Variants in NEK7 observed in about 807,000 individuals in gnomAD.
The protein encoded by NEK7 is serine/threonine-protein kinase Nek7.
In NEK7, 18 loss-of-function variants were observed where a neutral mutation model predicts 44.6. The ratio of observed to expected loss-of-function variants is 0.40; its 90% CI spans 0.28 to 0.60. The LOEUF (loss-of-function observed/expected upper bound fraction) is 0.60, where lower values mean the gene tolerates loss of function less well. Ranked by LOEUF, NEK7 falls within the 20% of genes least tolerant of loss-of-function variation. NEK7 has a pLI of 0.38. For synonymous variants in NEK7, 130 were observed against 121.1 expected (o/e 1.07, Z -0.48); for missense variants, 256 against 366.5 (o/e 0.70, Z 2.46).
chr1:198,311,856 A>G (rs1239556017), intron 9 of NEK7, among the ~76,000 whole-genome samples: 1 of 151,968 alleles, frequency 6.6e-6, no homozygotes, highest in African/African-American at 2.4e-5. Context: ...TTTATTGAGG[A>G]TTTTTGCATC....
At chr1:198,231,426 G>A (rs747858642) in intron 1 of NEK7, among the ~76,000 whole-genome samples, 1 of 149,032 alleles carries the variant, frequency 6.7e-6, no homozygotes, top group Admixed American at 6.7e-5. Flanking sequence ...TATCATTTGA[G>A]GTCAGTTGGA....
intron 2 of NEK7, among the ~76,000 whole-genome samples, chr1:198,248,769 T>G (rs1386015288): frequency 6.6e-6 from 1 of 152,114 alleles, no homozygotes; most frequent in African/African-American, 2.4e-5. Flanking sequence ...AGAAAAGAAA[T>G]AGCAGAGAAA....
At chr1:198,182,505 T>C (rs1664795098) in intron 1 of NEK7, among the ~76,000 whole-genome samples, 1 of 152,020 alleles carries the variant, frequency 6.6e-6, no homozygotes, top group African/African-American at 2.4e-5. Context: ...CAACCTGGGG[T>C]TGGTTTTCTG....
intron 1 of NEK7, among the ~76,000 whole-genome samples, chr1:198,165,175 C>T (rs1664228945): frequency 6.6e-6 from 1 of 152,190 alleles, no homozygotes; most frequent in Non-Finnish European, 1.5e-5. Context: ...TCTTGACTCC[C>T]TCAAAGTCGT....
At chr1:198,159,005 C>G (rs997823009) in intron 1 of NEK7, among the ~76,000 whole-genome samples, 1 of 152,006 alleles carries the variant, frequency 6.6e-6, no homozygotes, top group Non-Finnish European at 1.5e-5. Context: ...TTTGAGGAGG[C>G]TAGTTGCCTT....
chr1:198,263,023 A>C (rs1282138692), intron 4 of NEK7, among the ~76,000 whole-genome samples: 1 of 151,910 alleles, frequency 6.6e-6, no homozygotes, highest in Non-Finnish European at 1.5e-5. Context: ...AAAATGGTTC[A>C]CATGCATTTT....
chr1:198,260,921 A>G (rs1469150326), intron 3 of NEK7, among the ~76,000 whole-genome samples: 19 of 152,002 alleles, frequency 1.2e-4, no homozygotes, highest in Admixed American at 1.2e-3. Context: ...TATGGATTTT[A>G]TTTTTGCTTT....
At chr1:198,316,864 A>G (rs1020110034) in intron 9 of NEK7, among the ~76,000 whole-genome samples, 6 of 152,218 alleles carry the variant, frequency 3.9e-5, no homozygotes, top group African/African-American at 1.4e-4. Context: ...AAAATGAGTC[A>G]TTCTCTCACT....
intron 1 of NEK7, among the ~76,000 whole-genome samples, chr1:198,190,230 A>G (rs1665033335): frequency 6.6e-6 from 1 of 152,208 alleles, no homozygotes; most frequent in Admixed American, 6.5e-5. Flanking sequence ...ATATTAAAGC[A>G]TTCATCTGGG....
intron 1 of NEK7, among the ~76,000 whole-genome samples, chr1:198,219,784 A>G (rs6428443): frequency 0.99 from 150,509 of 152,106 alleles, 74,479 homozygotes; most frequent in Middle Eastern, 1. Flanking sequence ...GATGTTTTCT[A>G]CTAAGTGCAT....
intron 1 of NEK7, among the ~76,000 whole-genome samples, chr1:198,167,519 G>A (rs758004133): frequency 4.6e-5 from 7 of 152,152 alleles, no homozygotes; most frequent in Non-Finnish European, 8.8e-5. Flanking sequence ...ACATCTAAGT[G>A]TTAGTTTTAG....
At chr1:198,309,610 C>T (rs1403005796) in intron 9 of NEK7, among the ~76,000 whole-genome samples, 2 of 141,918 alleles carry the variant, frequency 1.4e-5, no homozygotes, top group South Asian at 2.4e-4. Context: ...CACCCCACAA[C>T]AGTCCCCAGA....
chr1:198,183,313 C>T (rs574071205), intron 1 of NEK7, among the ~76,000 whole-genome samples: 6 of 152,114 alleles, frequency 3.9e-5, no homozygotes, highest in Non-Finnish European at 8.8e-5. Context: ...TGGAACCATT[C>T]TGAGTACCTG....
chr1:198,229,626 T>C (rs993199573), intron 1 of NEK7, among the ~76,000 whole-genome samples: 2 of 152,228 alleles, frequency 1.3e-5, no homozygotes, highest in African/African-American at 2.4e-5. Flanking sequence ...ATTTGCTTGA[T>C]GTGTGGAGAG....
intron 9 of NEK7, among the ~76,000 whole-genome samples, chr1:198,314,721 G>GA (rs1489383474): frequency 5.3e-5 from 8 of 152,298 alleles, no homozygotes; most frequent in Middle Eastern, 3.4e-3. Flanking sequence ...CCCTGCAGGG[G>GA]GGTGCCTCCC....
intron 1 of NEK7, among the ~76,000 whole-genome samples, chr1:198,161,182 G>A (rs1450237625): frequency 6.6e-6 from 1 of 152,176 alleles, no homozygotes; most frequent in East Asian, 1.9e-4. Flanking sequence ...CGTGTTTTCT[G>A]TTACATAATG....
intron 9 of NEK7, among the ~76,000 whole-genome samples, chr1:198,308,506 G>A (rs181021141): frequency 6.6e-6 from 1 of 152,126 alleles, no homozygotes; most frequent in African/African-American, 2.4e-5. Flanking sequence ...AGATACCCTG[G>A]TGAATATTTC....
Position 198,292,600 on chromosome 1 carries a change from C to T in NEK7, c.590-345C>T, listed in dbSNP as rs150162141. Among the ~76,000 whole-genome samples the T allele has an allele frequency of 4.0e-3, 609 of 151,816 alleles. 8 individuals are homozygous for T. Among genetic ancestry groups the T allele is most frequent in the African/African-American group, 0.014 (592 of 41,454 alleles). On this transcript the variant is annotated intron_variant, in intron 7 of 9. Coordinates refer to ENST00000367385, the MANE Select transcript of NEK7 (RefSeq NM_133494.3). ...GCTTAATTATTTGGGATATTCAAGC[C>T]ATATTTTTTTAAAAAAATAAAGCCA...
At chr1:198,280,736 C>T (rs1156482496) in intron 7 of NEK7, among the ~76,000 whole-genome samples, 4 of 147,992 alleles carry the variant, frequency 2.7e-5, no homozygotes, top group African/African-American at 7.4e-5. Context: ...AATATATATA[C>T]ATTATGTATA....
Sources: gnomAD v4.1 joint callset for allele counts (sites outside exome capture counted in the v4.1 genomes callset) on GRCh38, gnomAD v4.1.1 for gene constraint, MANE v1.5 for transcripts, NCBI Gene and HGNC (gene_info 2026-07-23, HGNC 2026-07-21) for gene names.